KMT2C: variants seen among roughly 807,000 people sequenced by gnomAD.
KMT2C encodes lysine methyltransferase 2C.
Under a neutral mutation model 507.9 loss-of-function variants are expected in KMT2C, and 88 were observed. The observed-to-expected ratio is 0.17, with a 90% confidence interval of 0.15 to 0.21. The LOEUF is 0.21. Ranked by LOEUF, KMT2C falls within the 10% of genes least tolerant of loss-of-function variation. The pLI is 1.00. For missense variants in KMT2C, 4,954 were observed against 5,957.8 expected, an observed-to-expected ratio of 0.83 and a Z score of 5.55; for synonymous variants, 2,049 against 2,080.8, an observed-to-expected ratio of 0.98 and a Z score of 0.42.
Position 152,176,353 on chromosome 7 carries a change from G to A in KMT2C, c.9100C>T (p.Pro3034Ser), listed in dbSNP as rs1016769957. The A allele has an allele frequency of 6.2e-7, 1 of 1,614,016 alleles. No individual in the cohort carries two copies. Among genetic ancestry groups the A allele is most frequent in the East Asian group, 2.2e-5 (1 of 44,892 alleles). ...CTATTCTGCTGTGCTAATGTTTGAG[G>A]AATCATTAGCTGTTGGGGTCCAGAC... ...SMSGPQQLMI[P>S]QTLAQQNRER... Residue 3034 changes from proline to serine, a missense_variant, in exon 38 of 59, where the codon CCT becomes TCT. Pro to Ser is a moderately conservative substitution (Grantham distance 74). Coordinates refer to ENST00000262189, the MANE Select transcript of KMT2C (RefSeq NM_170606.3).
Position 152,420,530 on chromosome 7 carries a change from CA to C in KMT2C, c.161+15095del, listed in dbSNP as rs1258510613. Among the ~76,000 whole-genome samples, 15 of 152,248 alleles carry C rather than the reference CA, an allele frequency of 9.9e-5. No individual in the cohort carries two copies. The East Asian group carries it at 2.9e-3, about 29-fold the overall frequency. ...CCTACAGAACGGGAGAAAATATCTG[CA>C]AACTATGCATTCAACAAAGGCCTGG... is the stretch of plus-strand genomic sequence containing the variant. On this transcript the variant is annotated intron_variant, in intron 1 of 58. Transcript: ENST00000262189.
At chr7:152,372,990 A>C (rs1437822723) in intron 1 of KMT2C, among the ~76,000 whole-genome samples, 2 of 152,228 alleles carry the variant, frequency 1.3e-5, no homozygotes, top group African/African-American at 4.8e-5. Context: ...ATTCAAGAAG[A>C]ATGAAATCAT....
At chr7:152,201,898 G>A (rs1251225093) in intron 26 of KMT2C, among the ~76,000 whole-genome samples, 1 of 152,090 alleles carries the variant, frequency 6.6e-6, no homozygotes, top group Non-Finnish European at 1.5e-5. Context: ...AAATCACACA[G>A]CTAACTGGTA....
At chr7:152,353,136 T>G (rs1035005948) in intron 2 of KMT2C, among the ~76,000 whole-genome samples, 1 of 152,156 alleles carries the variant, frequency 6.6e-6, no homozygotes, top group Admixed American at 6.5e-5. Flanking sequence ...AAAGATCAAA[T>G]TTTCTCAGCT....
At chr7:152,194,944 A>G (rs2093920006) in intron 28 of KMT2C, among the ~76,000 whole-genome samples, 1 of 152,160 alleles carries the variant, frequency 6.6e-6, no homozygotes, top group Non-Finnish European at 1.5e-5. Flanking sequence ...GTACAGTTCA[A>G]TTATTATGCA....
chr7:152,288,017 T>A (rs201391292), intron 6 of KMT2C, among the ~76,000 whole-genome samples: 1 of 101,148 alleles, frequency 9.9e-6, no homozygotes, highest in African/African-American at 4.5e-5. Flanking sequence ...AGCAAGAGTC[T>A]GCCTCAAAAA....
rs968457048 is a variant in KMT2C at position 152,177,987 on chromosome 7, T to G, written c.7466A>C (p.His2489Pro). Residue 2489 changes from histidine to proline, a missense_variant, in exon 38 of 59, where the codon CAT (histidine) becomes CCT (proline). Physicochemically the swap from His to Pro is moderately conservative, Grantham distance 77 (BLOSUM62 -2). Around this residue, in one of 29 missense-constraint regions of KMT2C, gnomAD observed 1,689 missense variants for 1,654.3 expected, o/e 1.02. Transcript: ENST00000262189. ...GCGCTCTTGACTCGGCATGGTACCA[T>G]GACTACCTCCTGGAAATCCAAATCT... is the stretch of plus-strand genomic sequence containing the variant. ...GFRFGFPGGS[H>P]GTMPSQERFL... 9 of 1,271,390 alleles carry G rather than the reference T, an allele frequency of 7.1e-6. 1 individual carries two copies. The highest frequency in any genetic ancestry group is 1.9e-5 in the African/African-American group (1 of 53,036). 78.8% of individuals were successfully genotyped at this position (1,271,390 alleles called of 1,614,324 possible). A position where few individuals can be genotyped will look rare whatever the true frequency, so the allele number is the denominator to read the frequency against.
At chr7:152,417,828 G>A (rs1319683045) in intron 1 of KMT2C, among the ~76,000 whole-genome samples, 1 of 151,508 alleles carries the variant, frequency 6.6e-6, no homozygotes, top group Non-Finnish European at 1.5e-5. Flanking sequence ...TCTTTTAGTA[G>A]AGACGGGGTT....
chr7:152,181,943 C>A lies in KMT2C; in HGVS notation c.5917G>T (p.Val1973Leu). ...GATTTGGGAAATTGATCTGTCATCA[C>A]AGGCCTAGGTGTGTCTGGAGGTTTT... Reference protein sequence around the residue: ...YAKPPDTPRPVMTDQFPKSLG... With the variant: ...YAKPPDTPRPLMTDQFPKSLG... The change falls in exon 36 of 59, where the codon GTG becomes TTG. Residue 1973 changes from valine (V) to leucine (L), a missense_variant. By Grantham distance (32) the Val-to-Leu change is conservative (BLOSUM62 1). Around this residue, in one of 29 missense-constraint regions of KMT2C, gnomAD observed 1,689 missense variants for 1,654.3 expected, o/e 1.02. Coordinates refer to ENST00000262189, the MANE Select transcript of KMT2C (RefSeq NM_170606.3). 8 of 1,614,198 alleles carry A rather than the reference C, an allele frequency of 5.0e-6. 1 individual carries two copies. The South Asian group carries it at 8.8e-5, about 18-fold the overall frequency.
chr7:152,358,925 A>G (rs2097173654), intron 1 of KMT2C, among the ~76,000 whole-genome samples: 1 of 152,154 alleles, frequency 6.6e-6, no homozygotes, highest in Non-Finnish European at 1.5e-5. Flanking sequence ...CTCATAATTC[A>G]CTTAAGTATT....
rs2129119746 is a variant in KMT2C at position 152,181,215 on chromosome 7, A to G, written c.6645T>C (p.Ser2215=). 1 of 1,614,142 alleles carries G rather than the reference A, an allele frequency of 6.2e-7. No homozygotes were observed. Among genetic ancestry groups the G allele is most frequent in the Non-Finnish European group, 8.5e-7 (1 of 1,180,018 alleles). Residue 2215 remains serine, a synonymous_variant, in exon 36 of 59, where the codon TCT becomes TCC. Coordinates refer to ENST00000262189, the MANE Select transcript of KMT2C (RefSeq NM_170606.3). Reference sequence around the variant, plus strand: ...TTGCTGGTGGCTGAGAGTAAGGGACAGAAATTCCAGGTCTTGGTGTTCCAG... The same window carrying G: ...TTGCTGGTGGCTGAGAGTAAGGGACGGAAATTCCAGGTCTTGGTGTTCCAG... ...HPPGTPRPGI[S]VPYSQPPATP...
intron 1 of KMT2C, among the ~76,000 whole-genome samples, chr7:152,414,397 G>A (rs1220836643): frequency 6.6e-5 from 10 of 151,810 alleles, no homozygotes; most frequent in Non-Finnish European, 1.5e-4. Context: ...GCATGGTGGC[G>A]CATGCATGTA....
chr7:152,264,662 T>C lies in KMT2C; in HGVS notation c.1184+376A>G, dbSNP rs962500301. Among the ~76,000 whole-genome samples the C allele has an allele frequency of 4.6e-5, 7 of 152,108 alleles. No homozygotes were observed. The South Asian group carries it at 1.2e-3, about 27-fold the overall frequency. On this transcript the variant is annotated intron_variant, in intron 8 of 58. Coordinates refer to ENST00000262189, the MANE Select transcript of KMT2C (RefSeq NM_170606.3). The stretch of plus-strand genomic sequence containing the variant: ...AAATCCTATTAAATCTCCTCCCCAG[T>C]ACCCCTTAAGAAAAACTACTTTATT...
At chr7:152,397,838 C>T (rs1301775156) in intron 1 of KMT2C, among the ~76,000 whole-genome samples, 1 of 152,166 alleles carries the variant, frequency 6.6e-6, no homozygotes, top group Non-Finnish European at 1.5e-5. Flanking sequence ...GACATGCCTT[C>T]TGCTGTGAGT....
chr7:152,190,623 A>C (rs1213389439), intron 31 of KMT2C, among the ~76,000 whole-genome samples: 1 of 152,124 alleles, frequency 6.6e-6, no homozygotes, highest in Non-Finnish European at 1.5e-5. Flanking sequence ...ATATCTACCC[A>C]AACTAGTCAT....
intron 4 of KMT2C, among the ~76,000 whole-genome samples, chr7:152,312,532 A>G (rs2096681692): frequency 6.6e-6 from 1 of 152,210 alleles, no homozygotes; most frequent in African/African-American, 2.4e-5. Context: ...CTGTGGCATG[A>G]CGTTGCAAGT....
intron 6 of KMT2C, among the ~76,000 whole-genome samples, chr7:152,290,218 ATATGTGTGTGTGTG>A (rs2096387761): frequency 1.8e-5 from 2 of 108,744 alleles, no homozygotes; most frequent in Middle Eastern, 4.1e-3. Context: ...TTTTATATAT[ATATGTGTGTGTGTG>A]TGTGTGTGTG....
At chr7:152,142,216 A>G (rs1284109216) in intron 55 of KMT2C, among the ~76,000 whole-genome samples, 1 of 152,244 alleles carries the variant, frequency 6.6e-6, no homozygotes, top group African/African-American at 2.4e-5. Context: ...TTGTTTATAT[A>G]AACAGTAACT....
At chr7:152,360,871 T>C (rs1589442644) in intron 1 of KMT2C, among the ~76,000 whole-genome samples, 1 of 149,860 alleles carries the variant, frequency 6.7e-6, no homozygotes, top group East Asian at 1.9e-4. Context: ...AAAATTGAAG[T>C]AATCAAAGCC....
Sources: allele counts gnomAD v4.1 joint callset (sites outside exome capture counted in the v4.1 genomes callset), GRCh38; gene constraint gnomAD v4.1.1; regional missense constraint gnomAD v4.1.1; transcripts MANE v1.5; gene names NCBI Gene and HGNC (gene_info 2026-07-23, HGNC 2026-07-21).